The following USP34 variants were observed in gnomAD, a reference collection of about 807,000 sequenced individuals.
The protein encoded by USP34 is ubiquitin carboxyl-terminal hydrolase 34.
Under a neutral mutation model 460.3 loss-of-function variants are expected in USP34, and 70 were observed. The ratio of observed to expected loss-of-function variants is 0.15; its 90% CI spans 0.13 to 0.19. The LOEUF (loss-of-function observed/expected upper bound fraction) is 0.19, where lower values mean the gene tolerates loss of function less well. USP34 is among the 10% of genes least tolerant of loss of function. The probability of loss-of-function intolerance (pLI) is 1.00; values close to 1 mark genes in which losing one functional copy is unlikely to be tolerated. For synonymous variants in USP34, 1,647 were observed against 1,405.3 expected, an observed-to-expected ratio of 1.17 and a Z score of -3.85; for missense variants, 3,985 against 4,236.2, an observed-to-expected ratio of 0.94 and a Z score of 1.65.
intron 58 of USP34, among the ~76,000 whole-genome samples, chr2:61,230,664 G>A (rs921153692): frequency 6.6e-6 from 1 of 151,978 alleles, no homozygotes; most frequent in African/African-American, 2.4e-5. Flanking sequence ...CCAAAATGGT[G>A]AAATCCCGTC....
chr2:61,464,102 T>C (rs1302881829), intron 1 of USP34, among the ~76,000 whole-genome samples: 1 of 152,220 alleles, frequency 6.6e-6, no homozygotes, highest in Non-Finnish European at 1.5e-5. Flanking sequence ...GTGGATCACC[T>C]GACATCATTA....
intron 10 of USP34, among the ~76,000 whole-genome samples, chr2:61,354,072 GA>G (rs1692034793): frequency 6.6e-6 from 1 of 152,090 alleles, no homozygotes; most frequent in Non-Finnish European, 1.5e-5. Flanking sequence ...AGAATGCAAA[GA>G]AAAATGGAAA....
intron 31 of USP34, 41 bp downstream of exon 31, chr2:61,295,127 A>C (rs369979343): frequency 6.3e-6 from 10 of 1,598,328 alleles, no homozygotes; most frequent in African/African-American, 1.4e-5. Flanking sequence ...TGCTCCAGAG[A>C]GAATACAAAC....
intron 53 of USP34, 97 bp downstream of exon 53, chr2:61,241,463 G>A (rs1688257365): frequency 8.9e-6 from 7 of 788,918 alleles, no homozygotes; most frequent in Non-Finnish European, 1.4e-5. Flanking sequence ...CAGAATTGCA[G>A]ATATCAACCT....
chr2:61,297,796 G>A (rs1156253604), intron 29 of USP34, among the ~76,000 whole-genome samples: 1 of 152,096 alleles, frequency 6.6e-6, no homozygotes, highest in African/African-American at 2.4e-5. Flanking sequence ...AGGCTGGAGT[G>A]CAATGGCACG....
chr2:61,350,247 T>C lies in USP34; in HGVS notation c.1507+13A>G, dbSNP rs375304647. The C allele has an allele frequency of 2.5e-6, 4 of 1,587,564 alleles. No homozygotes were observed. The highest frequency in any genetic ancestry group is 3.4e-6 in the Non-Finnish European group (4 of 1,167,050). Reference sequence around the variant, plus strand: ...TCTCAACAATTTACTTCAAAATACATGACATTACTAACCTTTCTTATTTCC... The same window carrying C: ...TCTCAACAATTTACTTCAAAATACACGACATTACTAACCTTTCTTATTTCC... On this transcript the variant is annotated intron_variant, in intron 12 of 79. Transcript: ENST00000398571.
chr2:61,220,279 T>A (rs938901226), intron 67 of USP34, 31 bp downstream of exon 67: 3 of 1,571,618 alleles, frequency 1.9e-6, no homozygotes, highest in Non-Finnish European at 2.6e-6. Flanking sequence ...AATAAATAAA[T>A]GGTTTATGAA....
At chr2:61,253,262 G>A (rs1254999393) in intron 48 of USP34, among the ~76,000 whole-genome samples, 1 of 152,126 alleles carries the variant, frequency 6.6e-6, no homozygotes, top group East Asian at 1.9e-4. Flanking sequence ...GTCAAAAGAA[G>A]GGAGTTATCA....
chr2:61,205,960 T>C, intron 72 of USP34, 57 bp downstream of exon 72: 4 of 1,352,712 alleles, frequency 3.0e-6, no homozygotes, highest in Non-Finnish European at 4.2e-6. Flanking sequence ...ACGGAAAAAC[T>C]CACAACAATG....
intron 1 of USP34, among the ~76,000 whole-genome samples, chr2:61,450,177 G>A (rs1313542953): frequency 1.3e-5 from 2 of 152,104 alleles, no homozygotes; most frequent in African/African-American, 2.4e-5. Context: ...GTGAAAGTAG[G>A]CAGTCACAAA....
intron 12 of USP34, among the ~76,000 whole-genome samples, chr2:61,349,780 G>A (rs1013448950): frequency 2.6e-5 from 4 of 151,994 alleles, no homozygotes; most frequent in African/African-American, 9.7e-5. Context: ...GACGCAGCTT[G>A]CATTGAGCCA....
chr2:61,467,915 G>A lies in USP34; in HGVS notation c.43+2735C>T, dbSNP rs1459832786. 2.0e-5 allele frequency among the ~76,000 whole-genome samples: 3 copies of A among 151,842 alleles called. No individual in the cohort carries two copies. In the East Asian group the frequency reaches 5.8e-4, roughly 30 times the overall value. Reference sequence around the variant, plus strand: ...GGAATACAGGCGTGAGCTGTATTCAGAGTTGCCCGGCCAACTCTGAATTTC... The same window carrying A: ...GGAATACAGGCGTGAGCTGTATTCAAAGTTGCCCGGCCAACTCTGAATTTC... On this transcript the variant is annotated intron_variant, in intron 1 of 79. Coordinates refer to ENST00000398571, the MANE Select transcript of USP34 (RefSeq NM_014709.4).
intron 5 of USP34, among the ~76,000 whole-genome samples, chr2:61,385,382 TAAGA>T (rs1693105371): frequency 6.6e-6 from 1 of 151,924 alleles, no homozygotes; most frequent in African/African-American, 2.4e-5. Context: ...TAAAACTCTC[TAAGA>T]AATACGACAA....
chr2:61,259,742 A>T lies in USP34; in HGVS notation c.5813T>A (p.Leu1938Gln). 1 of 1,613,514 alleles carries T rather than the reference A, an allele frequency of 6.2e-7. No homozygotes were observed. ...SEDMKHKTTL[L>Q]ELQKMFTYLM... is the part of the protein sequence containing the mutation. The stretch of plus-strand genomic sequence containing the variant: ...ATATGTAAACATTTTCTGAAGCTCC[A>T]GAAGAGTGGTCTTGTGCTTCATATC... Residue 1938 changes from leucine (L) to glutamine (Q), a missense_variant, in exon 44 of 80, where the codon CTG becomes CAG. Coordinates refer to ENST00000398571, the MANE Select transcript of USP34 (RefSeq NM_014709.4).
At chr2:61,401,025 C>A (rs1693701493) in intron 3 of USP34, among the ~76,000 whole-genome samples, 1 of 151,580 alleles carries the variant, frequency 6.6e-6, no homozygotes, top group African/African-American at 2.4e-5. Flanking sequence ...TGGGTGCGCG[C>A]CTGTAGTCCC....
chr2:61,356,796 A>G (rs1692122294), intron 10 of USP34, among the ~76,000 whole-genome samples: 1 of 152,220 alleles, frequency 6.6e-6, no homozygotes, highest in African/African-American at 2.4e-5. Flanking sequence ...GATCTATTGC[A>G]CAATGCAAAT....
chr2:61,219,670 CAAA>C (rs1264885020), intron 67 of USP34, among the ~76,000 whole-genome samples: 3 of 78,566 alleles, frequency 3.8e-5, no homozygotes, highest in African/African-American at 9.3e-5. Flanking sequence ...GACTCTGTCT[CAAA>C]AAAAAAAAAA....
chr2:61,469,834 C>A (rs984235806), intron 1 of USP34, among the ~76,000 whole-genome samples: 1 of 152,204 alleles, frequency 6.6e-6, no homozygotes, highest in South Asian at 2.1e-4. Context: ...CTTCTATAAG[C>A]TGAAATACCA....
Position 61,394,991 on chromosome 2 carries a change from T to C in USP34, c.615A>G (p.Val205=). 1 of 1,585,942 alleles carries C rather than the reference T, an allele frequency of 6.3e-7. No individual in the cohort carries two copies. The highest frequency in any genetic ancestry group is 8.5e-7 in the Non-Finnish European group (1 of 1,172,118). ...GAFCDMNDVE[V]PLHLLRYVCL... ...ATACATAACGAAGCAAATGCAATGG[T>C]ACTTCTACATCCTGGGAAAATAAAG... Residue 205 remains valine, a synonymous_variant, in exon 5 of 80, where the codon GTA becomes GTG. Coordinates refer to ENST00000398571, the MANE Select transcript of USP34 (RefSeq NM_014709.4).
Sources: allele counts gnomAD v4.1 joint callset (sites outside exome capture counted in the v4.1 genomes callset), GRCh38; gene constraint gnomAD v4.1.1; transcripts MANE v1.5; gene names NCBI Gene and HGNC (gene_info 2026-07-23, HGNC 2026-07-21).